Variants in MMP27 observed in about 807,000 individuals in gnomAD.
MMP27 encodes matrix metalloproteinase-27.
Under a neutral mutation model 48.1 loss-of-function variants are expected in MMP27, and 51 were observed. The ratio of observed to expected loss-of-function variants is 1.06; its 90% confidence interval spans 0.85 to 1.34. The LOEUF (loss-of-function observed/expected upper bound fraction) is 1.34. MMP27 is among the 40% of genes most tolerant of loss of function. The pLI is 0.00. For synonymous variants in MMP27, 229 were observed against 208.9 expected, an observed-to-expected ratio of 1.10 and a Z score of -0.83; for missense variants, 698 against 619.3, an observed-to-expected ratio of 1.13 and a Z score of -1.35.
At chr11:102,694,458 A>G (rs1222707717) in intron 7 of MMP27, among the ~76,000 whole-genome samples, 1 of 152,220 alleles carries the variant, frequency 6.6e-6, no homozygotes, top group Non-Finnish European at 1.5e-5. Context: ...CCTAAGTTTC[A>G]GCCCCCAAGT....
intron 4 of MMP27, among the ~76,000 whole-genome samples, chr11:102,702,399 G>A (rs1212965155): frequency 1.3e-5 from 2 of 152,196 alleles, no homozygotes; most frequent in African/African-American, 4.8e-5. Context: ...TATATGGCAG[G>A]TATGTGGGCT....
intron 7 of MMP27, 130 bp downstream of exon 7, chr11:102,694,837 G>C: frequency 1.0e-6 from 1 of 965,652 alleles, no homozygotes. Context: ...CTTTACGACA[G>C]GAACCTAAGA....
intron 4 of MMP27, among the ~76,000 whole-genome samples, chr11:102,697,428 C>G (rs935540595): frequency 6.6e-6 from 1 of 152,168 alleles, no homozygotes; most frequent in Non-Finnish European, 1.5e-5. Flanking sequence ...TGTATAAACA[C>G]TAGACACTTA....
At chr11:102,702,233 G>A (rs1188564083) in intron 4 of MMP27, among the ~76,000 whole-genome samples, 1 of 152,224 alleles carries the variant, frequency 6.6e-6, no homozygotes, top group Non-Finnish European at 1.5e-5. Context: ...GTTAGAAGAG[G>A]AAGTTCATGC....
chr11:102,695,167 G>A, intron 6 of MMP27, 70 bp from the exon 7 acceptor site: 2 of 1,548,580 alleles, frequency 1.3e-6, no homozygotes, highest in Non-Finnish European at 1.8e-6. Context: ...GTAATCTTAG[G>A]CTTGCCTTTT....
In MMP27 at chr11:102,691,803, A is replaced by G; in HGVS notation, c.1505T>C (p.Ile502Thr). 1 of 1,607,594 alleles carries G rather than the reference A, an allele frequency of 6.2e-7. No homozygotes were observed. The highest frequency in any genetic ancestry group is 8.5e-7 in the Non-Finnish European group (1 of 1,175,840). ...AGAAGTGTTTTTCAGCAAATGAACA[A>G]TACCAAAAATAAACAAGCTTAAACT... ...HKSLSLFIFGIVHLLKNTSIY... is the reference protein window; with the variant it reads ...HKSLSLFIFGTVHLLKNTSIY... Residue 502 changes from isoleucine to threonine, a missense_variant, in exon 10 of 10, where the codon ATT becomes ACT. Coordinates refer to ENST00000260229, the MANE Select transcript of MMP27 (RefSeq NM_022122.3).
In MMP27 at chr11:102,705,647, A is replaced by G. The variant is rs1248949103; in HGVS notation, c.68T>C (p.Met23Thr). ...TFSSAFPLVR[M>T]TENEENMQLA... ...TTGCATATTTTCTTCATTTTCCGTC[A>G]TCCGGACTAAGGGAAATGCAGAAGA... The change falls in exon 1 of 10, where the codon ATG becomes ACG. Residue 23 changes from methionine (M) to threonine (T), a missense_variant. Transcript: ENST00000260229. 1 of 1,601,150 alleles carries G rather than the reference A, an allele frequency of 6.2e-7. No homozygotes were observed. Among genetic ancestry groups the G allele is most frequent in the Non-Finnish European group, 8.5e-7 (1 of 1,174,752 alleles).
In MMP27 at chr11:102,705,628, A is replaced by G. The variant is rs1408166415; in HGVS notation, c.87T>C (p.Asn29=). The G allele has an allele frequency of 1.9e-6, 3 of 1,580,286 alleles. No individual in the cohort carries two copies. Among genetic ancestry groups the G allele is most frequent in the Non-Finnish European group, 2.6e-6 (3 of 1,162,644 alleles). ...PLVRMTENEE[N]MQLAQAYLNQ... ...AAGACAGTACCTGAGCCAGTTGCATATTTTCTTCATTTTCCGTCATCCGGA... is the reference window on the plus strand; with the variant it reads ...AAGACAGTACCTGAGCCAGTTGCATGTTTTCTTCATTTTCCGTCATCCGGA... The change falls in exon 1 of 10, where the codon AAT becomes AAC. Residue 29 remains asparagine (N), a synonymous_variant. Transcript: ENST00000260229.
chr11:102,703,297 G>T (rs985942506), intron 2 of MMP27, among the ~76,000 whole-genome samples, 179 bp from the exon 3 acceptor site: 2 of 152,058 alleles, frequency 1.3e-5, no homozygotes, highest in African/African-American at 2.4e-5. Flanking sequence ...ATATACTATA[G>T]AATTAAATTC....
chr11:102,703,151 G>T, intron 2 of MMP27, 33 bp from the exon 3 acceptor site: 1 of 1,592,692 alleles, frequency 6.3e-7, no homozygotes, highest in Non-Finnish European at 8.6e-7. Flanking sequence ...TCAATTTCTG[G>T]CTTATTCATG....
Position 102,695,000 on chromosome 11 carries a change from C to A in MMP27, c.1000G>T (p.Glu334Ter). 6.2e-7 allele frequency: 1 copy of A among 1,613,886 alleles called. No individual in the cohort carries two copies. Among genetic ancestry groups the A allele is most frequent in the Non-Finnish European group, 8.5e-7 (1 of 1,179,936 alleles). Residue 334 changes from glutamate (E) to a stop codon, truncating the protein, a stop_gained, in exon 7 of 10, where the codon GAG becomes TAG. Transcript: ENST00000260229. LOFTEE classifies it high-confidence loss of function. ...SLPADLQAAYENPRDKILVFK... is the reference protein window; with the variant it reads ...SLPADLQAAY ...ACCAGAATCTTATCTCTGGGGTTCT[C>A]GTATGCAGCTTGCAGATCAGCTGGC...
chr11:102,702,529 G>A (rs539600736), intron 4 of MMP27, among the ~76,000 whole-genome samples: 11 of 152,186 alleles, frequency 7.2e-5, no homozygotes, highest in Non-Finnish European at 1.6e-4. Context: ...CAGACATTAT[G>A]GGTGTATGAA....
chr11:102,695,883 T>C (rs1433410537), intron 6 of MMP27, among the ~76,000 whole-genome samples: 1 of 152,210 alleles, frequency 6.6e-6, no homozygotes, highest in Non-Finnish European at 1.5e-5. Context: ...TTAAGAAACG[T>C]TCAGTGAGGT....
chr11:102,698,268 ATGTGT>A (rs374562612), intron 4 of MMP27, among the ~76,000 whole-genome samples: 54 of 152,288 alleles, frequency 3.5e-4, no homozygotes, highest in African/African-American at 1.3e-3. Context: ...CATGTGAGTA[ATGTGT>A]TGTGCTGTGA....
At position 102,693,013 on chromosome 11, in the gene MMP27, T is replaced by G; in HGVS notation, c.1222A>C (p.Lys408Gln). ...TTTACCACTCTCTGCGGGAACCCTT[T>G]GTCCATGGTTTGGGTCATTTCATCA... is the stretch of plus-strand genomic sequence containing the variant. ...RFDEMTQTMD[K>Q]GFPQRVVKHF... Residue 408 changes from lysine (K) to glutamine (Q), a missense_variant, in exon 9 of 10, where the codon AAA (lysine) becomes CAA (glutamine). Transcript: ENST00000260229. 6.2e-7 allele frequency: 1 copy of G among 1,613,754 alleles called. No individual in the cohort carries two copies. Among genetic ancestry groups the G allele is most frequent in the Non-Finnish European group, 8.5e-7 (1 of 1,179,774 alleles).
intron 4 of MMP27, among the ~76,000 whole-genome samples, chr11:102,699,816 C>T (rs557160324): frequency 3.9e-5 from 6 of 152,330 alleles, no homozygotes; most frequent in South Asian, 2.1e-4. Context: ...GAATCCTATT[C>T]GCCATTTTAG....
At chr11:102,692,505 T>C (rs1286283633) in intron 9 of MMP27, among the ~76,000 whole-genome samples, 2 of 152,242 alleles carry the variant, frequency 1.3e-5, no homozygotes, top group Admixed American at 1.3e-4. Context: ...TGGATTGTAT[T>C]CATTACATTG....
At position 102,704,702 on chromosome 11, in the gene MMP27, A is replaced by T. The variant is rs752737829; in HGVS notation, c.176T>A (p.Ile59Lys). The change falls in exon 2 of 10, where the codon ATA (isoleucine) becomes AAA (lysine). Residue 59 changes from isoleucine (I) to lysine (K), a missense_variant. Transcript: ENST00000260229. ...TTGCATTTCCCGAATTTTGTCATCT[A>T]TGAGACTCCTATTCTTGCTTTGAAC... ...HLVQSKNRSLIDDKIREMQAF... is the reference protein window; with the variant it reads ...HLVQSKNRSLKDDKIREMQAF... The T allele has an allele frequency of 3.7e-6, 6 of 1,613,938 alleles. No individual in the cohort carries two copies. In the South Asian group the frequency reaches 6.6e-5, roughly 18 times the overall value.
At chr11:102,702,674 A>T in intron 4 of MMP27, 79 bp downstream of exon 4, 1 of 1,480,280 alleles carries the variant, frequency 6.8e-7, no homozygotes, top group Non-Finnish European at 9.1e-7. Context: ...ACAGTTAAAA[A>T]GCAGCTAGTT....
Sources: gnomAD v4.1 joint callset for allele counts (sites outside exome capture counted in the v4.1 genomes callset) on GRCh38, gnomAD v4.1.1 for gene constraint, MANE v1.5 for transcripts, NCBI Gene and HGNC (gene_info 2026-07-23, HGNC 2026-07-21) for gene names.